The following LHFPL3 variants were observed in gnomAD, a reference collection of about 807,000 sequenced individuals.
The protein encoded by LHFPL3 is LHFPL tetraspan subfamily member 3 protein.
LHFPL3 carries 5 observed loss-of-function variants against 19.3 expected under a neutral mutation model. The observed-to-expected ratio is 0.26, with a 90% CI of 0.14 to 0.54. The LOEUF is 0.54. Among genes scored for constraint, LHFPL3 ranks in the 20% least tolerant of loss-of-function variants. The probability of loss-of-function intolerance (pLI) is 0.94; values close to 1 mark genes in which losing one functional copy is unlikely to be tolerated. For synonymous variants in LHFPL3, 133 were observed against 126.2 expected (o/e 1.05, Z -0.36); for missense variants, 249 against 307.4 (o/e 0.81, Z 1.42).
intron 2 of LHFPL3, among the ~76,000 whole-genome samples, chr7:104,876,083 A>G (rs1391015199): frequency 6.6e-6 from 1 of 152,224 alleles, no homozygotes; most frequent in East Asian, 1.9e-4. Context: ...CCATATGTAG[A>G]AAGCTGAAAC....
chr7:104,373,798 CTT>C (rs1162984781), intron 1 of LHFPL3, among the ~76,000 whole-genome samples: 1 of 152,078 alleles, frequency 6.6e-6, no homozygotes, highest in Non-Finnish European at 1.5e-5. Flanking sequence ...TAATTAATCT[CTT>C]TAGGTTTGGG....
chr7:104,336,508 A>C (rs1399755128), intron 1 of LHFPL3, among the ~76,000 whole-genome samples: 1 of 152,068 alleles, frequency 6.6e-6, no homozygotes, highest in Admixed American at 6.5e-5. Flanking sequence ...TTGCTTAAAA[A>C]AAAAAAAAGA....
chr7:104,847,852 T>G (rs545065297), intron 2 of LHFPL3, among the ~76,000 whole-genome samples: 1 of 152,344 alleles, frequency 6.6e-6, no homozygotes, highest in Admixed American at 6.5e-5. Flanking sequence ...CATCACTTGA[T>G]TTAACATTTT....
intron 1 of LHFPL3, among the ~76,000 whole-genome samples, chr7:104,712,540 G>A (rs1793316807): frequency 6.6e-6 from 1 of 152,140 alleles, no homozygotes; most frequent in South Asian, 2.1e-4. Flanking sequence ...ATATTTGGGG[G>A]AGAACACTAA....
chr7:104,469,792 A>AT (rs1228188623), intron 1 of LHFPL3, among the ~76,000 whole-genome samples: 1 of 152,014 alleles, frequency 6.6e-6, no homozygotes, highest in Admixed American at 6.6e-5. Flanking sequence ...ATGTAGCATT[A>AT]TTTTTTTTGT....
chr7:104,809,122 T>C (rs140431306), intron 2 of LHFPL3, among the ~76,000 whole-genome samples: 2 of 152,172 alleles, frequency 1.3e-5, no homozygotes, highest in Admixed American at 1.3e-4. Context: ...CTTGAACTCC[T>C]GTCCTCAAGT....
intron 1 of LHFPL3, among the ~76,000 whole-genome samples, chr7:104,474,883 C>A (rs1347679925): frequency 6.6e-6 from 1 of 151,866 alleles, no homozygotes; most frequent in East Asian, 1.9e-4. Flanking sequence ...CGCCAAGATA[C>A]AATCATGAAA....
At chr7:104,406,107 C>T (rs530884112) in intron 1 of LHFPL3, among the ~76,000 whole-genome samples, 22 of 152,300 alleles carry the variant, frequency 1.4e-4, no homozygotes, top group East Asian at 3.9e-4. Context: ...AAATCATAGT[C>T]GCTTCCTCTA....
intron 2 of LHFPL3, among the ~76,000 whole-genome samples, chr7:104,817,502 G>A (rs998806466): frequency 2.0e-5 from 3 of 152,122 alleles, no homozygotes; most frequent in African/African-American, 7.2e-5. Context: ...TCATCCTTTT[G>A]CAAGTCTCCT....
At chr7:104,592,645 G>A (rs1482680753) in intron 1 of LHFPL3, among the ~76,000 whole-genome samples, 4 of 152,132 alleles carry the variant, frequency 2.6e-5, no homozygotes, top group Non-Finnish European at 5.9e-5. Context: ...AGACAGGGAC[G>A]TTTAAGTCTG....
At chr7:104,720,811 A>T (rs1175749378) in intron 1 of LHFPL3, among the ~76,000 whole-genome samples, 1 of 152,246 alleles carries the variant, frequency 6.6e-6, no homozygotes, top group East Asian at 1.9e-4. Flanking sequence ...TGGTCATCAG[A>T]GAAATGCAAA....
At chr7:104,720,279 G>C (rs901934804) in intron 1 of LHFPL3, among the ~76,000 whole-genome samples, 2 of 152,162 alleles carry the variant, frequency 1.3e-5, no homozygotes, top group Non-Finnish European at 2.9e-5. Flanking sequence ...TGACAGAAAT[G>C]AGAAATGGGG....
chr7:104,486,115 A>G (rs1012291856), intron 1 of LHFPL3, among the ~76,000 whole-genome samples: 1 of 152,202 alleles, frequency 6.6e-6, no homozygotes, highest in Non-Finnish European at 1.5e-5. Context: ...CAGATGTGGC[A>G]AGAGTGACAA....
At chr7:104,863,261 G>C (rs1042319140) in intron 2 of LHFPL3, among the ~76,000 whole-genome samples, 1 of 152,164 alleles carries the variant, frequency 6.6e-6, no homozygotes, top group Non-Finnish European at 1.5e-5. Context: ...GTAGGGGGTT[G>C]ACCTCCTACT....
intron 1 of LHFPL3, among the ~76,000 whole-genome samples, chr7:104,594,448 T>G (rs780945742): frequency 9.2e-5 from 14 of 152,208 alleles, no homozygotes; most frequent in Non-Finnish European, 1.6e-4. Context: ...AACTCAACCT[T>G]TCTCTCTGGC....
intron 1 of LHFPL3, among the ~76,000 whole-genome samples, chr7:104,517,404 T>A (rs1194879493): frequency 8.3e-6 from 1 of 120,138 alleles, no homozygotes; most frequent in Admixed American, 7.9e-5. Flanking sequence ...TATTAATATG[T>A]TATATTATTA....
chr7:104,455,035 T>C (rs1307828389), intron 1 of LHFPL3, among the ~76,000 whole-genome samples: 2 of 152,230 alleles, frequency 1.3e-5, no homozygotes, highest in African/African-American at 2.4e-5. Flanking sequence ...ATTGTGCCTG[T>C]CATTTTGCCT....
rs1410780299 is a variant in LHFPL3 at position 104,674,377 on chromosome 7, T to TC, written c.446-62298_446-62297insC. Among the ~76,000 whole-genome samples, 9 of 139,326 alleles carry TC rather than the reference T, an allele frequency of 6.5e-5. No individual in the cohort carries two copies. The East Asian group carries it at 1.6e-3, about 25-fold the overall frequency. 91.4% of individuals were successfully genotyped at this position (139,326 alleles called of 152,430 possible). On this transcript the variant is annotated intron_variant, in intron 1 of 2. Transcript: ENST00000424859. ...CTGTTTTTCTTTTTCTTTTTCTTTT[T>TC]TTTTTTTTTTTTGACGGATTTTCGC...
intron 1 of LHFPL3, among the ~76,000 whole-genome samples, chr7:104,618,250 T>A (rs1251961925): frequency 2.0e-5 from 3 of 152,234 alleles, no homozygotes; most frequent in African/African-American, 7.2e-5. Flanking sequence ...ATTCTATAAT[T>A]AAGAAAATAA....
Sources: allele counts gnomAD v4.1 joint callset (sites outside exome capture counted in the v4.1 genomes callset), GRCh38; gene constraint gnomAD v4.1.1; transcripts MANE v1.5; gene names NCBI Gene and HGNC (gene_info 2026-07-23, HGNC 2026-07-21).